Variants in ATF7IP2 observed in about 807,000 individuals in gnomAD.
ATF7IP2 encodes the protein activating transcription factor 7-interacting protein 2.
A neutral mutation model predicts 64.2 loss-of-function variants in ATF7IP2; 42 were observed. The observed-to-expected ratio is 0.65, with a 90% confidence interval of 0.51 to 0.85. ATF7IP2 has a LOEUF of 0.85. ATF7IP2 is among the 40% of genes least tolerant of loss of function. The pLI, the probability that ATF7IP2 is intolerant of heterozygous loss-of-function variation, is 0.00. For missense variants in ATF7IP2, 933 were observed against 784.2 expected (o/e 1.19, Z -2.27); for synonymous variants, 308 against 272.8 (o/e 1.13, Z -1.27).
chr16:10,458,483 A>G (rs1286765716), intron 9 of ATF7IP2, among the ~76,000 whole-genome samples: 1 of 152,244 alleles, frequency 6.6e-6, no homozygotes, highest in Non-Finnish European at 1.5e-5. Flanking sequence ...GAACAAATCT[A>G]TCTCATGTTC....
chr16:10,417,257 G>GA (rs757811426), intron 2 of ATF7IP2, among the ~76,000 whole-genome samples: 2 of 152,116 alleles, frequency 1.3e-5, no homozygotes, highest in Non-Finnish European at 2.9e-5. Context: ...CTGAATGGAT[G>GA]AAATGCTCCA....
chr16:10,424,648 G>A (rs964984039), intron 3 of ATF7IP2, among the ~76,000 whole-genome samples: 5 of 152,048 alleles, frequency 3.3e-5, no homozygotes, highest in African/African-American at 4.8e-5. Flanking sequence ...TAATAAAAAC[G>A]CAAATAACAC....
intron 12 of ATF7IP2, among the ~76,000 whole-genome samples, chr16:10,475,342 T>A (rs2049963197): frequency 6.6e-6 from 1 of 152,178 alleles, no homozygotes; most frequent in Non-Finnish European, 1.5e-5. Flanking sequence ...CAGTTTTTTC[T>A]TTTAAATAGA....
At chr16:10,470,803 ATATATATATATGTGTGTGTG>A (rs2049768786) in intron 9 of ATF7IP2, among the ~76,000 whole-genome samples, 2 of 143,990 alleles carry the variant, frequency 1.4e-5, no homozygotes, top group African/African-American at 2.8e-5. Context: ...ATATATATGT[ATATATATATATGTGTGTGTG>A]TATATATATA....
Position 10,482,730 on chromosome 16 carries a change from T to TAA in ATF7IP2, c.*484_*485dup, listed in dbSNP as rs1369089782. On this transcript the variant is annotated 3_prime_UTR_variant, in exon 14 of 14. Transcript: ENST00000562102. ...CATGATAAAAGTTAATTATAAAAAT[T>TAA]AAAAGATTTTTTTTTTTGAGATGGA... 1 of 151,056 alleles carries TAA rather than the reference T, an allele frequency of 6.6e-6. No individual in the cohort carries two copies. The highest frequency in any genetic ancestry group is 1.9e-4 in the East Asian group (1 of 5,132). 9.4% of individuals were successfully genotyped at this position (151,056 alleles called of 1,614,324 possible).
intron 9 of ATF7IP2, among the ~76,000 whole-genome samples, chr16:10,468,169 C>T (rs11862827): frequency 0.47 from 71,715 of 151,916 alleles, 17,567 homozygotes; most frequent in East Asian, 0.56. Flanking sequence ...CATGAGCCAC[C>T]GTGCCTGGCC....
chr16:10,397,179 G>A (rs774952551), intron 1 of ATF7IP2, among the ~76,000 whole-genome samples: 48 of 152,046 alleles, frequency 3.2e-4, no homozygotes, highest in Admixed American at 9.2e-4. Flanking sequence ...CTGTTCCATT[G>A]GTTATGTGTC....
intron 9 of ATF7IP2, among the ~76,000 whole-genome samples, chr16:10,466,239 C>G (rs1370460642): frequency 6.6e-6 from 1 of 152,198 alleles, no homozygotes; most frequent in African/African-American, 2.4e-5. Context: ...TTATATCTAT[C>G]ATATGAATGT....
intron 12 of ATF7IP2, 81 bp from the exon 13 acceptor site, chr16:10,480,798 A>T (rs2050191467): frequency 1.1e-6 from 1 of 918,666 alleles, no homozygotes; most frequent in Admixed American, 2.0e-5. Flanking sequence ...ATTACCACCA[A>T]AGATGTAAAC....
chr16:10,453,540 A>C (rs1161537786), intron 8 of ATF7IP2, among the ~76,000 whole-genome samples: 1 of 152,242 alleles, frequency 6.6e-6, no homozygotes. Flanking sequence ...CCATCTTGCC[A>C]GCAATCCGAA....
chr16:10,420,226 C>G (rs570356506), intron 3 of ATF7IP2, among the ~76,000 whole-genome samples: 2 of 152,134 alleles, frequency 1.3e-5, no homozygotes, highest in African/African-American at 4.8e-5. Context: ...TGCCCATCAC[C>G]GCAAAATACT....
intron 1 of ATF7IP2, among the ~76,000 whole-genome samples, chr16:10,395,163 A>G (rs1596421355): frequency 6.6e-6 from 1 of 152,114 alleles, no homozygotes; most frequent in East Asian, 1.9e-4. Flanking sequence ...AGTAGTTAAA[A>G]AAAAAAATTA....
At chr16:10,422,258 C>T (rs1228793959) in intron 3 of ATF7IP2, among the ~76,000 whole-genome samples, 2 of 152,200 alleles carry the variant, frequency 1.3e-5, no homozygotes, top group South Asian at 4.1e-4. Flanking sequence ...GGAGGCTTAA[C>T]AATGGCCACC....
At chr16:10,389,141 T>C (rs2047270087) in intron 1 of ATF7IP2, among the ~76,000 whole-genome samples, 1 of 152,254 alleles carries the variant, frequency 6.6e-6, no homozygotes, top group South Asian at 2.1e-4. Context: ...GTTGATAATA[T>C]GACAGTTCTG....
Position 10,482,143 on chromosome 16 carries a change from C to T in ATF7IP2, c.1943C>T (p.Ala648Val). Reference protein sequence around the residue: ...PMACTLSQFLASNRYYFTVQS... With the variant: ...PMACTLSQFLVSNRYYFTVQS... ...GCCTGTACTTTATCTCAGTTTTTAG[C>T]TTCCAACAGATACTATTTTACTGTC... The change falls in exon 14 of 14, where the codon GCT becomes GTT. Residue 648 changes from alanine to valine, a missense_variant. Ala to Val is a moderately conservative substitution (Grantham distance 64). Transcript: ENST00000562102. The T allele has an allele frequency of 6.2e-7, 1 of 1,613,654 alleles. No homozygotes were observed. Among genetic ancestry groups the T allele is most frequent in the Non-Finnish European group, 8.5e-7 (1 of 1,179,560 alleles).
intron 3 of ATF7IP2, among the ~76,000 whole-genome samples, chr16:10,420,686 A>G (rs927723175): frequency 6.6e-6 from 1 of 152,224 alleles, no homozygotes; most frequent in Admixed American, 6.5e-5. Context: ...GCAATTGGGA[A>G]AATAATCAGT....
At chr16:10,438,049 T>C in intron 6 of ATF7IP2, 52 bp from the exon 7 acceptor site, 1 of 1,412,140 alleles carries the variant, frequency 7.1e-7, no homozygotes, top group Non-Finnish European at 9.4e-7. Flanking sequence ...AAAGTAAAAT[T>C]GCTTTTAAAT....
intron 6 of ATF7IP2, 36 bp downstream of exon 6, chr16:10,433,685 T>A: frequency 6.2e-7 from 1 of 1,605,524 alleles, no homozygotes; most frequent in African/African-American, 1.3e-5. Context: ...CTTTTACTTT[T>A]GATTAGTAAA....
chr16:10,396,551 C>T (rs576907883), intron 1 of ATF7IP2, among the ~76,000 whole-genome samples: 6 of 152,202 alleles, frequency 3.9e-5, no homozygotes, highest in African/African-American at 1.2e-4. Context: ...GAGATGGAAT[C>T]TTGCTCTGTG....
Sources: gnomAD v4.1 joint callset for allele counts (sites outside exome capture counted in the v4.1 genomes callset) on GRCh38, gnomAD v4.1.1 for gene constraint, MANE v1.5 for transcripts, NCBI Gene and HGNC (gene_info 2026-07-23, HGNC 2026-07-21) for gene names.